The following LRP5 variants were observed in gnomAD, a reference collection of about 807,000 sequenced individuals.
LRP5 encodes LDL receptor related protein 5.
A neutral mutation model predicts 154.1 loss-of-function variants in LRP5; 62 were observed. The ratio of observed to expected loss-of-function variants is 0.40; its 90% CI spans 0.33 to 0.50. The LOEUF is 0.50. Among genes scored for constraint, LRP5 ranks in the 20% least tolerant of loss-of-function variants. LRP5 has a pLI of 0.55. For missense variants in LRP5, 1,915 were observed against 2,336.7 expected (o/e 0.82, Z 3.72); for synonymous variants, 966 against 1,011.5 (o/e 0.96, Z 0.85).
chr11:68,429,616 A>G lies in LRP5; in HGVS notation c.3679A>G (p.Ile1227Val), dbSNP rs949211640. 8.7e-6 allele frequency: 14 copies of G among 1,614,010 alleles called. No individual in the cohort carries two copies. Among genetic ancestry groups the G allele is most frequent in the Non-Finnish European group, 1.0e-5 (12 of 1,180,040 alleles). Residue 1227 changes from isoleucine (I) to valine (V), a missense_variant, in exon 17 of 23, where the codon ATC (isoleucine) becomes GTC (valine). Ile to Val is a conservative substitution (Grantham distance 29). Coordinates refer to ENST00000294304, the MANE Select transcript of LRP5 (RefSeq NM_002335.4). The stretch of plus-strand genomic sequence containing the variant: ...CCGTGACAATGGTGGCTGCTCCCAC[A>G]TCTGTATTGCCAAGGGTGATGGGAC... ...CARDNGGCSH[I>V]CIAKGDGTPR... is the part of the protein sequence containing the mutation.
chr11:68,310,446 C>T (rs1441021179), upstream of LRP5, among the ~76,000 whole-genome samples: 2 of 152,124 alleles, frequency 1.3e-5, no homozygotes, highest in Non-Finnish European at 2.9e-5. Flanking sequence ...ATGGTGAAAC[C>T]CTGTCTCTAC....
the LRP5 span, among the ~76,000 whole-genome samples, chr11:68,302,146 C>A: frequency 1.8e-4 from 27 of 151,032 alleles, no homozygotes; most frequent in African/African-American, 4.4e-4. Context: ...CACTTGAGGT[C>A]AGGAGTTCAA....
At chr11:68,307,977 CT>C (rs2098584917), upstream of LRP5, among the ~76,000 whole-genome samples, 1 of 152,340 alleles carries the variant, frequency 6.6e-6, no homozygotes, top group Non-Finnish European at 1.5e-5. Context: ...AGCCTGTGTC[CT>C]TCACACCCCA....
chr11:68,332,885 T>C (rs2098603698), intron 1 of LRP5, among the ~76,000 whole-genome samples: 1 of 152,120 alleles, frequency 6.6e-6, no homozygotes, highest in Non-Finnish European at 1.5e-5. Flanking sequence ...CCTGGGGTGC[T>C]TGAAGATGTC....
At chr11:68,429,324 C>T (rs1565107265) in intron 16 of LRP5, among the ~76,000 whole-genome samples, 1 of 152,162 alleles carries the variant, frequency 6.6e-6, no homozygotes, top group Non-Finnish European at 1.5e-5. Flanking sequence ...GAGACTGGTG[C>T]AGACAGGCTG....
chr11:68,372,525 C>A, intron 5 of LRP5, among the ~76,000 whole-genome samples: 1 of 137,748 alleles, frequency 7.3e-6, no homozygotes, highest in East Asian at 2.2e-4. Flanking sequence ...GTTCCACTTG[C>A]GGGCTGACCT....
chr11:68,326,781 G>C (rs1395980773), intron 1 of LRP5, among the ~76,000 whole-genome samples: 1 of 152,246 alleles, frequency 6.6e-6, no homozygotes, highest in Non-Finnish European at 1.5e-5. Context: ...GTTAGGCCTG[G>C]CTGTGTAGGA....
rs1301845177 is a variant in LRP5 at position 68,373,425 on chromosome 11, GGC to G, written c.1015+7724_1015+7725del. Among the ~76,000 whole-genome samples, 3 of 152,158 alleles carry G rather than the reference GGC, an allele frequency of 2.0e-5. No homozygotes were observed. The East Asian group carries it at 5.8e-4, about 29-fold the overall frequency. Reference sequence around the variant, plus strand: ...CCGCACTGCTGTGTGCCTTCAAGGTGGCACTATTTACGTGGCCCCTGAGCTGC... The same window carrying G: ...CCGCACTGCTGTGTGCCTTCAAGGTGACTATTTACGTGGCCCCTGAGCTGC... On this transcript the variant is annotated intron_variant, in intron 5 of 22. Coordinates refer to ENST00000294304, the MANE Select transcript of LRP5 (RefSeq NM_002335.4).
At chr11:68,424,562 G>A (rs1300662065) in intron 14 of LRP5, among the ~76,000 whole-genome samples, 1 of 152,242 alleles carries the variant, frequency 6.6e-6, no homozygotes, top group Non-Finnish European at 1.5e-5. Flanking sequence ...GCTGTGGGGG[G>A]CCTGCACCTG....
In LRP5 at chr11:68,439,815, C is replaced by T. The variant is rs2098677140; in HGVS notation, c.4387C>T (p.Leu1463=). ...CGKSMMSSVS[L]MGGRGGVPLY... ...AAAGTCCATGATGAGCTCCGTGAGCCTGATGGGGGGCCGGGGCGGGGTGCC... is the reference window on the plus strand; with the variant it reads ...AAAGTCCATGATGAGCTCCGTGAGCTTGATGGGGGGCCGGGGCGGGGTGCC... Residue 1463 remains leucine (L), a synonymous_variant, in exon 21 of 23, where the codon CTG becomes TTG. Transcript: ENST00000294304. 1 of 1,611,758 alleles carries T rather than the reference C, an allele frequency of 6.2e-7. No homozygotes were observed. The highest frequency in any genetic ancestry group is 8.5e-7 in the Non-Finnish European group (1 of 1,179,690).
At chr11:68,445,157 T>C (rs186131850) in intron 21 of LRP5, among the ~76,000 whole-genome samples, 1,704 of 152,256 alleles carry the variant, frequency 0.011, 12 homozygotes, top group African/African-American at 0.016. Context: ...TGGAGTGCAG[T>C]GGTGCGATCT....
intron 1 of LRP5, among the ~76,000 whole-genome samples, chr11:68,328,150 TG>T (rs1373059199): frequency 6.6e-6 from 1 of 152,220 alleles, no homozygotes; most frequent in African/African-American, 2.4e-5. Flanking sequence ...CATGGTACAG[TG>T]TCGCGGAGCC....
intron 11 of LRP5, 85 bp downstream of exon 11, chr11:68,411,705 G>T: frequency 7.2e-7 from 1 of 1,390,266 alleles, no homozygotes; most frequent in Non-Finnish European, 9.7e-7. Context: ...CACATACCCT[G>T]TGGCCTGCAA....
intron 14 of LRP5, among the ~76,000 whole-genome samples, chr11:68,424,227 G>A (rs1007259819): frequency 6.6e-6 from 1 of 152,228 alleles, no homozygotes; most frequent in African/African-American, 2.4e-5. Context: ...CTGAGCACGG[G>A]AACGTTTGGG....
At chr11:68,350,319 G>C (rs2098617181) in intron 2 of LRP5, among the ~76,000 whole-genome samples, 5 of 152,374 alleles carry the variant, frequency 3.3e-5, no homozygotes, top group Admixed American at 3.3e-4. Context: ...TTGCAGGCGT[G>C]AGCCACTGCA....
In LRP5 at chr11:68,413,714, C is replaced by T. The variant is rs143204891; in HGVS notation, c.2529C>T (p.Asp843=). ...MLGQERVVIA[D]DLPHPFGLTQ... Reference sequence around the variant, plus strand: ...GTCAGGAGCGGGTCGTGATTGCCGACGATCTCCCGCACCCGTTCGGTCTGA... The same window carrying T: ...GTCAGGAGCGGGTCGTGATTGCCGATGATCTCCCGCACCCGTTCGGTCTGA... Residue 843 remains aspartate, a synonymous_variant, in exon 12 of 23, where the codon GAC becomes GAT. Coordinates refer to ENST00000294304, the MANE Select transcript of LRP5 (RefSeq NM_002335.4). This position sits in a 1 kb window ranked among gnomAD's most constrained non-coding sequence, Gnocchi z 5.1. The T allele has an allele frequency of 1.6e-4, 265 of 1,613,784 alleles. No homozygotes were observed. In the African/African-American group the frequency reaches 3.2e-3, roughly 19 times the overall value.
rs546445239 is a variant in LRP5, at chr11:68,408,055, A to G, written c.2091+1242A>G. ...ACAATGTTTGCTCATTTATTATTCT[A>G]TGATTTGTTTTCTGCTTTTTGTTGT... is the stretch of plus-strand genomic sequence containing the variant. On this transcript the variant is annotated intron_variant, in intron 9 of 22. Coordinates refer to ENST00000294304, the MANE Select transcript of LRP5 (RefSeq NM_002335.4). 7.9e-4 allele frequency among the ~76,000 whole-genome samples: 120 copies of G among 151,990 alleles called. 1 individual carries two copies. The highest frequency in any genetic ancestry group is 3.4e-3 in the Middle Eastern group (1 of 294).
chr11:68,303,394 A>G, the LRP5 span, among the ~76,000 whole-genome samples: 1 of 152,236 alleles, frequency 6.6e-6, no homozygotes, highest in Admixed American at 6.5e-5. Flanking sequence ...GCCTTAGCAA[A>G]TAATTTGGCT....
intron 5 of LRP5, among the ~76,000 whole-genome samples, chr11:68,384,784 C>G (rs1289550448): frequency 6.6e-6 from 1 of 152,120 alleles, no homozygotes; most frequent in Non-Finnish European, 1.5e-5. Context: ...TAACCCCCCA[C>G]CCCCCAAACT....
Sources: allele counts gnomAD v4.1 joint callset (sites outside exome capture counted in the v4.1 genomes callset), GRCh38; gene constraint gnomAD v4.1.1; non-coding constraint Gnocchi (gnomAD v3.1); transcripts MANE v1.5; gene names NCBI Gene and HGNC (gene_info 2026-07-23, HGNC 2026-07-21).